The following ACSM2B variants were observed in gnomAD, a reference collection of about 807,000 sequenced individuals.
The protein encoded by ACSM2B is acyl-coenzyme A synthetase ACSM2B, mitochondrial.
A neutral mutation model predicts 78.6 loss-of-function variants in ACSM2B; 58 were observed. The observed-to-expected ratio is 0.74, with a 90% CI of 0.60 to 0.92. The LOEUF is 0.92. ACSM2B is among the 40% of genes least tolerant of loss of function. The pLI is 0.00. For synonymous variants in ACSM2B, 257 were observed against 256.8 expected, an observed-to-expected ratio of 1.00 and a Z score of -0.01; for missense variants, 688 against 711.2, an observed-to-expected ratio of 0.97 and a Z score of 0.37.
intron 1 of ACSM2B, among the ~76,000 whole-genome samples, chr16:20,568,444 T>C (rs13333527): frequency 0.024 from 3,610 of 148,490 alleles, 158 homozygotes; most frequent in African/African-American, 0.085. Flanking sequence ...ATTTTATAAA[T>C]GAATACAAGT....
At chr16:20,567,722 T>G (rs2015968316) in intron 1 of ACSM2B, among the ~76,000 whole-genome samples, 1 of 139,682 alleles carries the variant, frequency 7.2e-6, no homozygotes, top group African/African-American at 2.6e-5. Context: ...TGTCTTGTTC[T>G]GGTTCTCAGA....
intron 9 of ACSM2B, 39 bp from the exon 10 acceptor site, chr16:20,545,297 C>T (rs775027188): frequency 1.3e-6 from 2 of 1,592,110 alleles, no homozygotes; most frequent in Admixed American, 3.4e-5. Flanking sequence ...ACGCACACAG[C>T]AGGAGATGGC....
chr16:20,558,956 A>G (rs1447888528), intron 3 of ACSM2B, among the ~76,000 whole-genome samples: 1 of 152,202 alleles, frequency 6.6e-6, no homozygotes. Context: ...CATAATTCTG[A>G]TTAAATACTT....
At position 20,573,494 on chromosome 16, in the gene ACSM2B, CA is replaced by C. The variant is rs926258372; in HGVS notation, c.-9+2712del. Reference sequence around the variant, plus strand: ...GTGGGGAGGAAGTTGTTTCTTCTGGCAAAAAAAGTTCATTGGAGTTTACAAA... The same window carrying C: ...GTGGGGAGGAAGTTGTTTCTTCTGGCAAAAAAGTTCATTGGAGTTTACAAA... On this transcript the variant is annotated intron_variant, in intron 1 of 13. Transcript: ENST00000329697. Among the ~76,000 whole-genome samples, 8 of 144,470 alleles carry C rather than the reference CA, an allele frequency of 5.5e-5. 1 individual carries two copies. Among genetic ancestry groups the C allele is most frequent in the African/African-American group, 1.4e-4 (5 of 35,910 alleles). 94.8% of individuals were successfully genotyped at this position (144,470 alleles called of 152,430 possible).
rs1428574335 is a variant in ACSM2B at position 20,548,463 on chromosome 16, C to G, written c.905G>C (p.Ser302Thr). 1.2e-6 allele frequency: 2 copies of G among 1,613,600 alleles called. No homozygotes were observed. The highest frequency in any genetic ancestry group is 1.1e-5 in the South Asian group (1 of 91,054). The change falls in exon 7 of 14, where the codon AGT (serine) becomes ACT (threonine). Residue 302 changes from serine to threonine, a missense_variant. Transcript: ENST00000329697. The part of the protein sequence containing the change: ...DPLVILKTLS[S>T]YPIKSMMGAP... ...ACCCATCATACTCTTGATTGGATAACTGGAGAGTGTCTGGAAGACAAGAGC... is the reference window on the plus strand; with the variant it reads ...ACCCATCATACTCTTGATTGGATAAGTGGAGAGTGTCTGGAAGACAAGAGC...
At chr16:20,546,350 A>T (rs1043981668) in intron 9 of ACSM2B, 44 bp downstream of exon 9, 2 of 1,570,094 alleles carry the variant, frequency 1.3e-6, no homozygotes, top group African/African-American at 1.4e-5. Context: ...ACTGAAAATC[A>T]GTGTTTCCCC....
In ACSM2B at chr16:20,553,901, G is replaced by A; in HGVS notation, c.616C>T (p.His206Tyr). 3 of 1,613,792 alleles carry A rather than the reference G, an allele frequency of 1.9e-6. No individual in the cohort carries two copies. The highest frequency in any genetic ancestry group is 2.5e-6 in the Non-Finnish European group (3 of 1,179,800). The change falls in exon 5 of 14, where the codon CAC (histidine) becomes TAC (tyrosine). Residue 206 changes from histidine (H) to tyrosine (Y), a missense_variant. By Grantham distance (83) the His-to-Tyr change is moderately conservative (BLOSUM62 2). Transcript: ENST00000329697. ...TCCTGGCTTCCAGTCTCCACACAGT[G>A]ATGAGTGGTGGATGCCTCACTGACA... ...KLLNEASTTH[H>Y]CVETGSQEAS...
chr16:20,543,900 A>T (rs529059288), intron 10 of ACSM2B, among the ~76,000 whole-genome samples: 2 of 152,304 alleles, frequency 1.3e-5, no homozygotes, highest in African/African-American at 4.8e-5. Flanking sequence ...GCCTCACTCC[A>T]TCATTGGGAA....
At chr16:20,570,551 G>T (rs144095377) in intron 1 of ACSM2B, among the ~76,000 whole-genome samples, 3 of 151,682 alleles carry the variant, frequency 2.0e-5, no homozygotes. Flanking sequence ...TTCTGGTTTG[G>T]GTATGAGGGT....
At chr16:20,547,852 C>T (rs1470663792) in intron 8 of ACSM2B, 32 of 1,251,588 alleles carry the variant, frequency 2.6e-5, no homozygotes, top group Non-Finnish European at 3.0e-5. Flanking sequence ...CCCCAAATCT[C>T]ACTGGAATGT....
intron 13 of ACSM2B, among the ~76,000 whole-genome samples, chr16:20,538,585 G>A (rs999435412): frequency 2.0e-5 from 3 of 152,104 alleles, no homozygotes; most frequent in Non-Finnish European, 4.4e-5. Flanking sequence ...GAAAGGAGGG[G>A]GAGGGTGCAA....
At chr16:20,549,901 C>G (rs1481115550) in intron 6 of ACSM2B, 1 of 376,202 alleles carries the variant, frequency 2.7e-6, no homozygotes, top group Non-Finnish European at 5.2e-6. Flanking sequence ...GAAAGGAATG[C>G]CTTAGTTAAG....
rs890602634 is a variant in ACSM2B at position 20,536,561 on chromosome 16, G to A, written c.*697C>T. The A allele has an allele frequency of 3.3e-5, 5 of 152,094 alleles. No homozygotes were observed. The highest frequency in any genetic ancestry group is 1.2e-4 in the African/African-American group (5 of 41,410). 9.4% of individuals were successfully genotyped at this position (152,094 alleles called of 1,614,324 possible). A position where few individuals can be genotyped will look rare whatever the true frequency, so the allele number is the denominator to read the frequency against. On this transcript the variant is annotated 3_prime_UTR_variant, in exon 14 of 14. Coordinates refer to ENST00000329697, the MANE Select transcript of ACSM2B (RefSeq NM_001105069.2). ...GCCCCACACACAAGTCTTCCTGTAT[G>A]GAGGTCTTCTCCTAGGGTAAAAGAA...
At position 20,548,205 on chromosome 16, in the gene ACSM2B, G is replaced by T. The variant is rs759728707; in HGVS notation, c.975-20C>A. On this transcript the variant is annotated intron_variant, in intron 7 of 13. Transcript: ENST00000329697. ...TTGTAACTGAAGAAGAGAAATAAAT[G>T]TTTGCCCTCAGCCTCCCTGGAACCA... The T allele has an allele frequency of 6.2e-7, 1 of 1,613,788 alleles. No individual in the cohort carries two copies. Among genetic ancestry groups the T allele is most frequent in the Non-Finnish European group, 8.5e-7 (1 of 1,179,856 alleles).
chr16:20,537,849 A>T (rs1005891059), intron 13 of ACSM2B, among the ~76,000 whole-genome samples: 2 of 152,220 alleles, frequency 1.3e-5, no homozygotes, highest in African/African-American at 4.8e-5. Context: ...AATCTGGATT[A>T]ATCTGAGGTC....
At chr16:20,566,747 ATAC>A (rs1317367922) in intron 1 of ACSM2B, among the ~76,000 whole-genome samples, 4 of 82,124 alleles carry the variant, frequency 4.9e-5, no homozygotes, top group South Asian at 6.4e-4. Flanking sequence ...TATACTATAT[ATAC>A]TATATATAGT....
rs113456352 is a variant in ACSM2B at position 20,557,820 on chromosome 16, GC to G, written c.388+1416del. Among the ~76,000 whole-genome samples the G allele has an allele frequency of 4.9e-3, 752 of 152,248 alleles. 11 individuals carry two copies. Among genetic ancestry groups the G allele is most frequent in the South Asian group, 0.033 (160 of 4,824 alleles). ...TTCCCTCCCCTGTGGCTTTGAAACT[GC>G]CTTTGGAAAAATTATGACACTGAGG... On this transcript the variant is annotated intron_variant, in intron 3 of 13. Transcript: ENST00000329697.
At chr16:20,571,819 A>C (rs927212829) in intron 1 of ACSM2B, among the ~76,000 whole-genome samples, 2 of 150,160 alleles carry the variant, frequency 1.3e-5, no homozygotes, top group Admixed American at 6.7e-5. Context: ...TTATCATTAC[A>C]TAATGTCCCT....
At chr16:20,557,671 A>G (rs1282895725) in intron 3 of ACSM2B, among the ~76,000 whole-genome samples, 1 of 152,240 alleles carries the variant, frequency 6.6e-6, no homozygotes, top group Non-Finnish European at 1.5e-5. Context: ...ACCATGGACC[A>G]CAAGGCACTG....
Sources: allele counts gnomAD v4.1 joint callset (sites outside exome capture counted in the v4.1 genomes callset), GRCh38; gene constraint gnomAD v4.1.1; transcripts MANE v1.5; gene names NCBI Gene and HGNC (gene_info 2026-07-23, HGNC 2026-07-21).